The following STAU2 variants were observed in gnomAD, a reference collection of about 807,000 sequenced individuals.
The protein encoded by STAU2 is double-stranded RNA-binding protein Staufen homolog 2.
Under a neutral mutation model 65.9 loss-of-function variants are expected in STAU2, and 20 were observed. That is an observed-to-expected ratio of 0.30 (90% CI 0.21 to 0.44). The LOEUF (loss-of-function observed/expected upper bound fraction) is 0.44, where lower values mean the gene tolerates loss of function less well. STAU2 is among the 20% of genes least tolerant of loss of function. The pLI, the probability that STAU2 is intolerant of heterozygous loss-of-function variation, is 1.00. For missense variants in STAU2, 558 were observed against 683.9 expected, an observed-to-expected ratio of 0.82 and a Z score of 2.05; for synonymous variants, 232 against 233.9, an observed-to-expected ratio of 0.99 and a Z score of 0.07.
intron 12 of STAU2, among the ~76,000 whole-genome samples, chr8:73,558,131 A>C (rs1807927022): frequency 6.6e-6 from 1 of 152,218 alleles, no homozygotes; most frequent in African/African-American, 2.4e-5. Context: ...CATTACCTTA[A>C]ATAGCCTCCT....
intron 4 of STAU2, among the ~76,000 whole-genome samples, chr8:73,707,803 G>A (rs532037885): frequency 1.2e-4 from 18 of 151,516 alleles, no homozygotes; most frequent in Middle Eastern, 3.4e-3. Context: ...ACACAGTAAC[G>A]GCTACCACAG....
intron 6 of STAU2, among the ~76,000 whole-genome samples, chr8:73,624,480 A>G (rs1167273336): frequency 2.6e-5 from 4 of 152,262 alleles, no homozygotes; most frequent in Non-Finnish European, 5.9e-5. Flanking sequence ...GAGCTAAAAC[A>G]TACAAAGCAC....
At chr8:73,680,189 G>A (rs1586256502) in intron 5 of STAU2, among the ~76,000 whole-genome samples, 2 of 151,166 alleles carry the variant, frequency 1.3e-5, no homozygotes, top group East Asian at 3.9e-4. Flanking sequence ...GGGGGCCAAT[G>A]GAAAGTACAG....
intron 6 of STAU2, among the ~76,000 whole-genome samples, chr8:73,639,945 T>C (rs1814832372): frequency 6.6e-6 from 1 of 152,134 alleles, no homozygotes; most frequent in Non-Finnish European, 1.5e-5. Flanking sequence ...ATTCTAAGAA[T>C]ATTTACTCCA....
At chr8:73,577,234 C>G (rs931162075) in intron 12 of STAU2, among the ~76,000 whole-genome samples, 2 of 152,030 alleles carry the variant, frequency 1.3e-5, no homozygotes, top group Admixed American at 1.3e-4. Flanking sequence ...CGAGACCATC[C>G]TGGCTAACAC....
chr8:73,534,551 T>G (rs1342051055), intron 13 of STAU2, among the ~76,000 whole-genome samples: 1 of 152,186 alleles, frequency 6.6e-6, no homozygotes, highest in African/African-American at 2.4e-5. Context: ...ACAAAATTAA[T>G]TTAGGCATGA....
intron 12 of STAU2, among the ~76,000 whole-genome samples, chr8:73,555,173 G>A (rs555119783): frequency 8.7e-4 from 132 of 152,332 alleles, no homozygotes; most frequent in Non-Finnish European, 4.4e-4. Flanking sequence ...AAAGCTCAGG[G>A]AAGGCTTGCT....
intron 6 of STAU2, among the ~76,000 whole-genome samples, chr8:73,635,643 G>A (rs1814437549): frequency 6.6e-6 from 1 of 151,928 alleles, no homozygotes; most frequent in Non-Finnish European, 1.5e-5. Flanking sequence ...TGGCCAATAT[G>A]GTGAAACCCC....
intron 12 of STAU2, among the ~76,000 whole-genome samples, chr8:73,577,738 T>C (rs1215684172): frequency 1.3e-5 from 2 of 152,156 alleles, no homozygotes; most frequent in Admixed American, 6.5e-5. Flanking sequence ...CAGTTGGAAG[T>C]ATCATTTTTA....
intron 13 of STAU2, among the ~76,000 whole-genome samples, chr8:73,509,754 A>G (rs1822281645): frequency 6.6e-6 from 1 of 152,182 alleles, no homozygotes; most frequent in South Asian, 2.1e-4. Context: ...TCTGGTAGAT[A>G]GTAAAAACAA....
At chr8:73,455,818 C>T (rs747870254) in intron 13 of STAU2, among the ~76,000 whole-genome samples, 2 of 152,136 alleles carry the variant, frequency 1.3e-5, no homozygotes, top group South Asian at 2.1e-4. Context: ...CTGTACACCA[C>T]CTGGCCGTGG....
At chr8:73,702,977 A>C (rs1013929766) in intron 4 of STAU2, among the ~76,000 whole-genome samples, 2 of 152,226 alleles carry the variant, frequency 1.3e-5, no homozygotes, top group African/African-American at 4.8e-5. Context: ...TTTGCAAAAA[A>C]ATTTGGCAAT....
At chr8:73,440,401 C>T (rs1360184132) in intron 13 of STAU2, 1 of 152,222 alleles carries the variant, frequency 6.6e-6, no homozygotes, top group Non-Finnish European at 1.5e-5. Flanking sequence ...TGATTACCAT[C>T]CCCAAACCAC....
Position 73,655,198 on chromosome 8 carries a change from T to G in STAU2, c.410+17909A>C, listed in dbSNP as rs116278068. ...GCATATTTCTTCTTACAGCTAAAGTTTTAATTCACATTTTTAAAATTTCAT... is the reference window on the plus strand; with the variant it reads ...GCATATTTCTTCTTACAGCTAAAGTGTTAATTCACATTTTTAAAATTTCAT... On this transcript the variant is annotated intron_variant, in intron 6 of 14. Transcript: ENST00000524300. 3.4e-3 allele frequency among the ~76,000 whole-genome samples: 518 copies of G among 152,374 alleles called. 1 individual carries two copies. Among genetic ancestry groups the G allele is most frequent in the African/African-American group, 0.012 (490 of 41,600 alleles).
At chr8:73,623,874 G>C (rs1813447907) in intron 6 of STAU2, among the ~76,000 whole-genome samples, 1 of 152,042 alleles carries the variant, frequency 6.6e-6, no homozygotes, top group Non-Finnish European at 1.5e-5. Flanking sequence ...TCTTTTATGA[G>C]ATCTAACTGT....
chr8:73,518,098 A>G (rs1176685448), intron 13 of STAU2, among the ~76,000 whole-genome samples: 2 of 152,256 alleles, frequency 1.3e-5, no homozygotes, highest in Non-Finnish European at 2.9e-5. Flanking sequence ...CAAGGAGAGA[A>G]AAGTAACCTT....
intron 5 of STAU2, among the ~76,000 whole-genome samples, chr8:73,678,028 C>G (rs142343373): frequency 6.6e-6 from 1 of 152,132 alleles, no homozygotes; most frequent in South Asian, 2.1e-4. Context: ...ATGCCTTAGA[C>G]AGCTTGTTCT....
chr8:73,442,240 G>A (rs1818205099), intron 13 of STAU2, among the ~76,000 whole-genome samples: 1 of 151,778 alleles, frequency 6.6e-6, no homozygotes. Context: ...TGTAGTCTCA[G>A]CTACTCGGGA....
intron 4 of STAU2, among the ~76,000 whole-genome samples, chr8:73,702,539 T>C (rs914522525): frequency 8.6e-5 from 13 of 152,044 alleles, no homozygotes; most frequent in Admixed American, 2.6e-4. Context: ...ACCTCATAAA[T>C]ATATATACCT....
Sources: gnomAD v4.1 joint callset for allele counts (sites outside exome capture counted in the v4.1 genomes callset) on GRCh38, gnomAD v4.1.1 for gene constraint, MANE v1.5 for transcripts, NCBI Gene and HGNC (gene_info 2026-07-23, HGNC 2026-07-21) for gene names.